The following GALNTL6 variants were observed in gnomAD, a reference collection of about 807,000 sequenced individuals.
GALNTL6 encodes the protein polypeptide N-acetylgalactosaminyltransferase-like 6.
In GALNTL6, 46 loss-of-function variants were observed where a neutral mutation model predicts 73.7. The observed-to-expected ratio is 0.62, with a 90% CI of 0.49 to 0.80. The LOEUF (loss-of-function observed/expected upper bound fraction) is 0.80, where lower values mean the gene tolerates loss of function less well. GALNTL6 is among the 30% of genes least tolerant of loss of function. The pLI is 0.00. For synonymous variants in GALNTL6, 259 were observed against 263.7 expected (o/e 0.98, Z 0.17); for missense variants, 604 against 755.0 (o/e 0.80, Z 2.34).
At chr4:172,923,963 G>T (rs1747917934) in intron 8 of GALNTL6, among the ~76,000 whole-genome samples, 1 of 152,158 alleles carries the variant, frequency 6.6e-6, no homozygotes. Context: ...TTCAAGATGA[G>T]ATTTTTGTGG....
At chr4:172,589,703 A>C (rs1737559367) in intron 5 of GALNTL6, among the ~76,000 whole-genome samples, 1 of 152,348 alleles carries the variant, frequency 6.6e-6, no homozygotes, top group East Asian at 1.9e-4. Flanking sequence ...AACACAGAAT[A>C]TTTTCCTACA....
intron 5 of GALNTL6, among the ~76,000 whole-genome samples, chr4:172,744,582 A>C (rs1446095783): frequency 6.6e-6 from 1 of 152,118 alleles, no homozygotes; most frequent in Non-Finnish European, 1.5e-5. Context: ...ATAAGTTAGT[A>C]GGCTGCCCAT....
At chr4:171,971,106 G>A (rs1739556102) in intron 2 of GALNTL6, among the ~76,000 whole-genome samples, 1 of 152,152 alleles carries the variant, frequency 6.6e-6, no homozygotes, top group Non-Finnish European at 1.5e-5. Flanking sequence ...AGGTAAATAG[G>A]CTTCTGATTT....
rs543523189 is a variant in GALNTL6, at chr4:172,625,011, T to G, written c.554-184350T>G. On this transcript the variant is annotated intron_variant, in intron 5 of 12. Transcript: ENST00000506823. ...AACCAAAAAAAGAACTACTTTTGGT[T>G]TCGTTGATTCTTTGTATGGATTTCG... Among the ~76,000 whole-genome samples the G allele has an allele frequency of 6.6e-4, 100 of 152,080 alleles. 1 individual carries two copies. The highest frequency in any genetic ancestry group is 2.4e-3 in the African/African-American group (100 of 41,510).
intron 2 of GALNTL6, among the ~76,000 whole-genome samples, chr4:171,824,600 G>C (rs1734775492): frequency 6.6e-6 from 1 of 151,990 alleles, no homozygotes; most frequent in South Asian, 2.1e-4. Flanking sequence ...AAGAGAAAAA[G>C]CATGTTCCTA....
At chr4:172,025,409 AAC>A (rs1741536479) in intron 2 of GALNTL6, among the ~76,000 whole-genome samples, 2 of 152,054 alleles carry the variant, frequency 1.3e-5, no homozygotes. Flanking sequence ...GTAGCAGTAC[AAC>A]ATTGTAACAC....
intron 5 of GALNTL6, among the ~76,000 whole-genome samples, chr4:172,442,197 G>A (rs1731860463): frequency 6.6e-6 from 1 of 152,164 alleles, no homozygotes; most frequent in Admixed American, 6.6e-5. Context: ...CTGATTCAGT[G>A]TTGACAGCAA....
chr4:172,640,687 A>AGATTG (rs1268443627), intron 5 of GALNTL6, among the ~76,000 whole-genome samples: 10 of 152,058 alleles, frequency 6.6e-5, no homozygotes, highest in African/African-American at 2.4e-4. Context: ...AGAACAAATC[A>AGATTG]GATTGGTTTA....
At chr4:172,176,272 G>A (rs28450301) in intron 2 of GALNTL6, among the ~76,000 whole-genome samples, 5,539 of 132,142 alleles carry the variant, frequency 0.042, 353 homozygotes, top group African/African-American at 0.14. Flanking sequence ...CCTGCGAGGC[G>A]GAGCCTGCAG....
chr4:172,775,211 A>G (rs1739007459), intron 5 of GALNTL6, among the ~76,000 whole-genome samples: 1 of 152,142 alleles, frequency 6.6e-6, no homozygotes, highest in African/African-American at 2.4e-5. Context: ...TATGTCTCTT[A>G]GAGACATTCA....
chr4:172,152,699 C>G (rs140755338), intron 2 of GALNTL6, among the ~76,000 whole-genome samples: 3 of 152,296 alleles, frequency 2.0e-5, no homozygotes, highest in African/African-American at 7.2e-5. Flanking sequence ...ACCTCTGCCT[C>G]TTGGGCTGGA....
chr4:172,289,118 T>A (rs1739370813), intron 3 of GALNTL6, among the ~76,000 whole-genome samples: 1 of 152,168 alleles, frequency 6.6e-6, no homozygotes, highest in Non-Finnish European at 1.5e-5. Context: ...TCCTTCTGTA[T>A]GTGTTTCATT....
intron 5 of GALNTL6, among the ~76,000 whole-genome samples, chr4:172,539,050 A>G (rs1025349452): frequency 6.6e-6 from 1 of 152,218 alleles, no homozygotes; most frequent in Non-Finnish European, 1.5e-5. Context: ...CAGTAAAATA[A>G]TATGATGGAA....
At chr4:172,817,812 T>A (rs189419849) in intron 7 of GALNTL6, among the ~76,000 whole-genome samples, 4 of 152,328 alleles carry the variant, frequency 2.6e-5, no homozygotes, top group Admixed American at 6.5e-5. Context: ...GTAAATTTCC[T>A]ACCTCAAAAG....
chr4:172,456,901 C>A (rs932999054), intron 5 of GALNTL6, among the ~76,000 whole-genome samples: 2 of 152,052 alleles, frequency 1.3e-5, no homozygotes, highest in Non-Finnish European at 2.9e-5. Context: ...ACATAATTGT[C>A]AGATTCACCA....
At chr4:172,150,158 T>A (rs978014956) in intron 2 of GALNTL6, among the ~76,000 whole-genome samples, 1 of 152,210 alleles carries the variant, frequency 6.6e-6, no homozygotes, top group Non-Finnish European at 1.5e-5. Context: ...AATCTTTCTT[T>A]AAGGTTTTTC....
intron 3 of GALNTL6, among the ~76,000 whole-genome samples, chr4:172,286,055 C>T (rs1388499932): frequency 6.6e-6 from 1 of 152,176 alleles, no homozygotes; most frequent in Non-Finnish European, 1.5e-5. Flanking sequence ...CCTTGGCTTC[C>T]TAAATCCAAA....
intron 10 of GALNTL6, among the ~76,000 whole-genome samples, chr4:172,952,992 T>C (rs1749535932): frequency 1.3e-5 from 2 of 152,188 alleles, no homozygotes; most frequent in Admixed American, 6.5e-5. Context: ...TATATGCAAG[T>C]ACAAGGCAAT....
intron 5 of GALNTL6, among the ~76,000 whole-genome samples, chr4:172,471,746 T>A (rs1400606267): frequency 6.6e-6 from 1 of 152,202 alleles, no homozygotes; most frequent in African/African-American, 2.4e-5. Context: ...TGATAAAGTT[T>A]TGTGTACAGG....
Sources: gnomAD v4.1 joint callset for allele counts (sites outside exome capture counted in the v4.1 genomes callset) on GRCh38, gnomAD v4.1.1 for gene constraint, MANE v1.5 for transcripts, NCBI Gene and HGNC (gene_info 2026-07-23, HGNC 2026-07-21) for gene names.